PCLO: variants seen among roughly 807,000 people sequenced by gnomAD.
PCLO encodes piccolo presynaptic cytomatrix protein, also known as protein piccolo.
Under a neutral mutation model 427.5 loss-of-function variants are expected in PCLO, and 82 were observed. That is an observed-to-expected ratio of 0.19 (90% confidence interval 0.16 to 0.23). The LOEUF (loss-of-function observed/expected upper bound fraction) is 0.23. Ranked by LOEUF, PCLO falls within the 10% of genes least tolerant of loss-of-function variation. The pLI, the probability that PCLO is intolerant of heterozygous loss-of-function variation, is 1.00. For synonymous variants in PCLO, 2,357 were observed against 2,155.4 expected (o/e 1.09, Z -2.59); for missense variants, 6,239 against 6,115.9 (o/e 1.02, Z -0.67).
intron 2 of PCLO, among the ~76,000 whole-genome samples, chr7:83,153,356 C>G (rs2116679725): frequency 6.6e-6 from 1 of 151,918 alleles, no homozygotes; most frequent in Non-Finnish European, 1.5e-5. Flanking sequence ...CTCAATATTA[C>G]TTTTGTTTAA....
At chr7:82,935,940 C>A (rs1167686673) in intron 6 of PCLO, among the ~76,000 whole-genome samples, 1 of 151,656 alleles carries the variant, frequency 6.6e-6, no homozygotes, top group Non-Finnish European at 1.5e-5. Context: ...AAAGAAGGTT[C>A]TAATGTAAAG....
chr7:82,760,115 T>G (rs1790400301), intron 24 of PCLO, among the ~76,000 whole-genome samples: 1 of 151,982 alleles, frequency 6.6e-6, no homozygotes, highest in East Asian at 1.9e-4. Context: ...CAGTCTGTTG[T>G]GACTTGGAGT....
At chr7:83,128,244 T>C (rs920561327) in intron 3 of PCLO, among the ~76,000 whole-genome samples, 2 of 151,078 alleles carry the variant, frequency 1.3e-5, no homozygotes, top group African/African-American at 4.9e-5. Context: ...GTGCAAAAGA[T>C]AAGGTGGGAG....
intron 13 of PCLO, 47 bp from the exon 14 acceptor site, chr7:82,841,556 C>T (rs1304108116): frequency 8.0e-6 from 9 of 1,128,248 alleles, no homozygotes; most frequent in Non-Finnish European, 1.1e-5. Flanking sequence ...ACATTTTTCA[C>T]ATAATTTATC....
At chr7:82,897,842 A>G (rs1032918960) in intron 9 of PCLO, among the ~76,000 whole-genome samples, 1 of 151,440 alleles carries the variant, frequency 6.6e-6, no homozygotes. Context: ...ATATCGTTAC[A>G]GCAGTGGCTT....
At chr7:82,790,573 A>G (rs921627069) in intron 22 of PCLO, among the ~76,000 whole-genome samples, 1 of 152,202 alleles carries the variant, frequency 6.6e-6, no homozygotes, top group Non-Finnish European at 1.5e-5. Flanking sequence ...TTCCTACAGC[A>G]GAGTACCTTA....
At chr7:83,057,142 G>A (rs975093463) in intron 3 of PCLO, among the ~76,000 whole-genome samples, 3 of 149,198 alleles carry the variant, frequency 2.0e-5, no homozygotes, top group African/African-American at 7.4e-5. Flanking sequence ...GGAGTACAGT[G>A]GCGCAATGTC....
intron 2 of PCLO, among the ~76,000 whole-genome samples, chr7:83,135,957 G>A (rs1791717444): frequency 6.6e-6 from 1 of 151,846 alleles, no homozygotes; most frequent in African/African-American, 2.4e-5. Flanking sequence ...AATTAGCTGG[G>A]CATGGTGGTG....
chr7:82,802,161 G>C (rs1366677542), intron 21 of PCLO, among the ~76,000 whole-genome samples: 1 of 150,906 alleles, frequency 6.6e-6, no homozygotes. Context: ...TTCTGGCTTT[G>C]CTATTTCTTG....
In PCLO at chr7:82,916,132, A is replaced by G. The variant is rs747687271; in HGVS notation, c.11854T>C (p.Leu3952=). Residue 3952 remains leucine (L), a synonymous_variant, in exon 7 of 25, where the codon TTA becomes CTA. Transcript: ENST00000333891. ...PTPTPQPSYQ[L]PSQMMVIQQK... ...TGTATCACCATCATCTGTGAAGGTA[A>G]CTGATAAGAAGGCTGTGGGGTTGGT... The G allele has an allele frequency of 1.9e-6, 3 of 1,613,554 alleles. No individual in the cohort carries two copies. The highest frequency in any genetic ancestry group is 4.5e-5 in the East Asian group (2 of 44,860).
At chr7:82,920,840 G>C (rs773575914) in intron 6 of PCLO, among the ~76,000 whole-genome samples, 1 of 151,520 alleles carries the variant, frequency 6.6e-6, no homozygotes. Context: ...ATGAGGATGA[G>C]AAAAGAAAGA....
chr7:82,778,132 A>G (rs1790794481), intron 22 of PCLO, among the ~76,000 whole-genome samples: 1 of 152,234 alleles, frequency 6.6e-6, no homozygotes, highest in Non-Finnish European at 1.5e-5. Context: ...TTTCAAAAAA[A>G]GACTTTCATG....
intron 3 of PCLO, among the ~76,000 whole-genome samples, chr7:82,976,716 TA>T (rs951640967): frequency 4.7e-5 from 7 of 149,140 alleles, no homozygotes; most frequent in South Asian, 2.1e-4. Context: ...GTTTAGTTTC[TA>T]AAAAAAAAAT....
intron 3 of PCLO, among the ~76,000 whole-genome samples, chr7:83,044,830 T>C (rs970033725): frequency 1.3e-5 from 2 of 152,156 alleles, no homozygotes; most frequent in Non-Finnish European, 2.9e-5. Flanking sequence ...ATCTGAACTA[T>C]AAAATGGGGG....
chr7:82,939,559 T>C (rs1170697754), intron 6 of PCLO, among the ~76,000 whole-genome samples: 1 of 151,266 alleles, frequency 6.6e-6, no homozygotes, highest in Non-Finnish European at 1.5e-5. Context: ...TTTTTCCCAT[T>C]GGAAATATAC....
rs940669521 is a variant in PCLO, at chr7:83,124,682, G to A, written c.3300+9568C>T. Among the ~76,000 whole-genome samples the A allele has an allele frequency of 2.0e-5, 3 of 152,076 alleles. No individual in the cohort carries two copies. In the East Asian group the frequency reaches 5.8e-4, roughly 29 times the overall value. Reference sequence around the variant, plus strand: ...GCTACGTATACATCCAAAAGAAAGGGAATATGTGTATAAAAGACATATATG... The same window carrying A: ...GCTACGTATACATCCAAAAGAAAGGAAATATGTGTATAAAAGACATATATG... On this transcript the variant is annotated intron_variant, in intron 3 of 24. Transcript: ENST00000333891.
intron 3 of PCLO, among the ~76,000 whole-genome samples, chr7:83,084,588 T>C (rs1205184870): frequency 6.6e-6 from 1 of 152,204 alleles, no homozygotes; most frequent in Non-Finnish European, 1.5e-5. Flanking sequence ...AATGTTATTA[T>C]GTTGTTAACT....
At chr7:82,963,949 T>G (rs1795709904) in intron 4 of PCLO, among the ~76,000 whole-genome samples, 1 of 152,096 alleles carries the variant, frequency 6.6e-6, no homozygotes, top group Non-Finnish European at 1.5e-5. Flanking sequence ...AAAAAAGTAC[T>G]GCATTCAGGA....
chr7:82,965,266 T>G (rs1030954582), intron 4 of PCLO, among the ~76,000 whole-genome samples: 1 of 151,568 alleles, frequency 6.6e-6, no homozygotes, highest in Non-Finnish European at 1.5e-5. Context: ...ACTTTTGCTT[T>G]GGATTTTAGT....
Sources: allele counts gnomAD v4.1 joint callset (sites outside exome capture counted in the v4.1 genomes callset), GRCh38; gene constraint gnomAD v4.1.1; transcripts MANE v1.5; gene names NCBI Gene and HGNC (gene_info 2026-07-23, HGNC 2026-07-21).